ALDH1A2: variants seen among roughly 807,000 people sequenced by gnomAD.
ALDH1A2 encodes the protein aldehyde dehydrogenase 1 family member A2, also known as retinal dehydrogenase 2.
ALDH1A2 carries 27 observed loss-of-function variants against 60.3 expected under a neutral mutation model. The ratio of observed to expected loss-of-function variants is 0.45; its 90% CI spans 0.33 to 0.62. The LOEUF (loss-of-function observed/expected upper bound fraction) is 0.62, where lower values mean the gene tolerates loss of function less well. ALDH1A2 is among the 20% of genes least tolerant of loss of function. The pLI is 0.02. For synonymous variants in ALDH1A2, 289 were observed against 232.4 expected, an observed-to-expected ratio of 1.24 and a Z score of -2.21; for missense variants, 581 against 643.8, an observed-to-expected ratio of 0.90 and a Z score of 1.06.
intron 1 of ALDH1A2, among the ~76,000 whole-genome samples, chr15:58,033,580 T>C (rs1896299526): frequency 6.6e-6 from 1 of 151,840 alleles, no homozygotes; most frequent in Admixed American, 6.6e-5. Context: ...TCTCCAGAAG[T>C]TTGTCATAAA....
rs1457770479 is a variant in ALDH1A2 at position 57,989,981 on chromosome 15, C to CA, written c.798+2723dup. 1.8e-4 allele frequency among the ~76,000 whole-genome samples: 8 copies of CA among 45,284 alleles called. No homozygotes were observed. The Admixed American group carries it at 1.9e-3, about 11-fold the overall frequency. The allele number at this position is 45,284 out of a possible 152,430, so 29.7% of individuals were successfully genotyped here. A position where few individuals can be genotyped will look rare whatever the true frequency, so the allele number is the denominator to read the frequency against. ...GCAGTCCGCAGTCCAGCCTGGGCGA[C>CA]AGAGCGAGACTCCGTCTCAAAAAAA... On this transcript the variant is annotated intron_variant, in intron 7 of 12. Coordinates refer to ENST00000249750, the MANE Select transcript of ALDH1A2 (RefSeq NM_003888.4).
chr15:58,030,535 G>C (rs1339074391), intron 1 of ALDH1A2, among the ~76,000 whole-genome samples: 1 of 152,132 alleles, frequency 6.6e-6, no homozygotes, highest in African/African-American at 2.4e-5. Flanking sequence ...GGAAGTTCTG[G>C]TCAGGGCAAT....
At chr15:57,983,632 A>G (rs1358689010) in intron 7 of ALDH1A2, among the ~76,000 whole-genome samples, 1 of 152,224 alleles carries the variant, frequency 6.6e-6, no homozygotes, top group Non-Finnish European at 1.5e-5. Context: ...ATATTAAATG[A>G]CAGAACTTTA....
In ALDH1A2 at chr15:57,962,171, A is replaced by G. The variant is rs1893744245; in HGVS notation, c.1092T>C (p.Asp364=). ...CCAAGATCTTGTTGTACTGTTTCTT[A>G]TCAATCTGTGGGAGACAAGACTTAA... ...DPTTEQGPQI[D]KKQYNKILEL... is the part of the protein sequence containing the mutation. Residue 364 remains aspartate (D), a synonymous_variant, in exon 10 of 13, where the codon GAT becomes GAC. Coordinates refer to ENST00000249750, the MANE Select transcript of ALDH1A2 (RefSeq NM_003888.4). 6.2e-7 allele frequency: 1 copy of G among 1,614,018 alleles called. No individual in the cohort carries two copies. The highest frequency in any genetic ancestry group is 8.5e-7 in the Non-Finnish European group (1 of 1,180,002).
At chr15:58,044,917 T>C (rs1183491731) in intron 1 of ALDH1A2, among the ~76,000 whole-genome samples, 4 of 151,922 alleles carry the variant, frequency 2.6e-5, no homozygotes, top group African/African-American at 9.7e-5. Context: ...TTTTCATATG[T>C]TCCCTTCTCT....
intron 1 of ALDH1A2, among the ~76,000 whole-genome samples, chr15:58,048,249 G>C (rs1896682383): frequency 6.6e-6 from 1 of 152,078 alleles, no homozygotes; most frequent in Non-Finnish European, 1.5e-5. Flanking sequence ...AGAGTAAGCA[G>C]CTGGGTATTT....
chr15:58,012,064 G>C (rs1385646738), intron 3 of ALDH1A2: 1 of 152,052 alleles, frequency 6.6e-6, no homozygotes, highest in Admixed American at 6.6e-5. Context: ...TCTTCCACAG[G>C]CTACCTCTTA....
At chr15:57,982,114 C>A (rs1894535846) in intron 7 of ALDH1A2, among the ~76,000 whole-genome samples, 1 of 152,058 alleles carries the variant, frequency 6.6e-6, no homozygotes. Context: ...CTCACTAGTG[C>A]CCATCTCTCA....
At chr15:57,964,736 A>AT (rs1237722833) in intron 8 of ALDH1A2, 2 of 152,598 alleles carry the variant, frequency 1.3e-5, no homozygotes, top group Non-Finnish European at 2.9e-5. Context: ...TTCATCCCTT[A>AT]TATCTTACAC....
At chr15:57,959,857 C>T (rs1415089487) in intron 12 of ALDH1A2, among the ~76,000 whole-genome samples, 1 of 152,008 alleles carries the variant, frequency 6.6e-6, no homozygotes, top group Non-Finnish European at 1.5e-5. Flanking sequence ...GTATGTAAAT[C>T]CTCTGCTCTA....
intron 7 of ALDH1A2, among the ~76,000 whole-genome samples, chr15:57,973,967 C>G (rs1894154611): frequency 6.6e-6 from 1 of 152,206 alleles, no homozygotes; most frequent in Non-Finnish European, 1.5e-5. Context: ...CCTTCTCTCT[C>G]TCTCTCTCAG....
chr15:58,040,716 A>G (rs567141964), intron 1 of ALDH1A2, among the ~76,000 whole-genome samples: 75 of 152,078 alleles, frequency 4.9e-4, no homozygotes, highest in African/African-American at 1.7e-3. Context: ...TAGAAATAAT[A>G]TAAATAAGAA....
chr15:57,978,681 G>A (rs186366871), intron 7 of ALDH1A2, among the ~76,000 whole-genome samples: 15 of 152,300 alleles, frequency 9.8e-5, no homozygotes, highest in Non-Finnish European at 2.2e-4. Context: ...GCATGTGGCC[G>A]GGGGAGATGG....
intron 4 of ALDH1A2, among the ~76,000 whole-genome samples, chr15:57,997,703 GA>G (rs1241581910): frequency 6.6e-6 from 1 of 151,872 alleles, no homozygotes. Flanking sequence ...AGAAAATGTA[GA>G]CAAAAATCTT....
rs139212963 is a variant in ALDH1A2, at chr15:57,971,474, G to A, written c.799-5647C>T. On this transcript the variant is annotated intron_variant, in intron 7 of 12. Coordinates refer to ENST00000249750, the MANE Select transcript of ALDH1A2 (RefSeq NM_003888.4). Reference sequence around the variant, plus strand: ...AGGGTCTCACTCTCTTGCCAAGGTTGAACTGTAGTAGTATGATTATGGCTC... The same window carrying A: ...AGGGTCTCACTCTCTTGCCAAGGTTAAACTGTAGTAGTATGATTATGGCTC... Among the ~76,000 whole-genome samples, 331 of 152,296 alleles carry A rather than the reference G, an allele frequency of 2.2e-3. 7 individuals carry two copies. The East Asian group carries it at 0.036, about 16-fold the overall frequency.
At chr15:58,015,893 C>T (rs1286383859) in intron 1 of ALDH1A2, among the ~76,000 whole-genome samples, 1 of 152,178 alleles carries the variant, frequency 6.6e-6, no homozygotes, top group Non-Finnish European at 1.5e-5. Context: ...TTTTCATTCA[C>T]TCTATTTAAT....
chr15:58,010,637 G>T lies in ALDH1A2; in HGVS notation c.493+12C>A. 1.2e-6 allele frequency: 2 copies of T among 1,612,314 alleles called. No homozygotes were observed. The highest frequency in any genetic ancestry group is 1.1e-5 in the South Asian group (1 of 90,992). On this transcript the variant is annotated intron_variant, in intron 4 of 12. Coordinates refer to ENST00000249750, the MANE Select transcript of ALDH1A2 (RefSeq NM_003888.4). ...CACGTTTTCCTTTTCAACGTACTCA[G>T]ATTTCACATACCTACAGGAATGGTC...
At chr15:57,995,236 A>AAAAAAAAAAAAAAAAATTGGGAG in intron 4 of ALDH1A2, 97 bp from the exon 5 acceptor site, 1 of 647,220 alleles carries the variant, frequency 1.5e-6, no homozygotes, top group East Asian at 4.0e-5. Context: ...AAAAAAAAAA[A>AAAAAAAAAAAAAAAAATTGGGAG]CAAACAGAAA....
intron 1 of ALDH1A2, among the ~76,000 whole-genome samples, chr15:58,041,571 A>G (rs34556514): frequency 0.42 from 62,995 of 151,704 alleles, 13,278 homozygotes; most frequent in Non-Finnish European, 0.44. Context: ...TGGTTCATAG[A>G]TGGTGCATTC....
Sources: gnomAD v4.1 joint callset for allele counts (sites outside exome capture counted in the v4.1 genomes callset) on GRCh38, gnomAD v4.1.1 for gene constraint, MANE v1.5 for transcripts, NCBI Gene and HGNC (gene_info 2026-07-23, HGNC 2026-07-21) for gene names.